Variants in GNA12 observed in about 807,000 individuals in gnomAD.
GNA12 encodes the protein G protein subunit alpha 12, also known as guanine nucleotide-binding protein subunit alpha-12.
A neutral mutation model predicts 26.0 loss-of-function variants in GNA12; 9 were observed. That is an observed-to-expected ratio of 0.35 (90% CI 0.21 to 0.60). GNA12 has a LOEUF of 0.60. GNA12 is among the 20% of genes least tolerant of loss of function. The pLI, the probability that GNA12 is intolerant of heterozygous loss-of-function variation, is 0.78. For missense variants in GNA12, 405 were observed against 525.8 expected, an observed-to-expected ratio of 0.77 and a Z score of 2.25; for synonymous variants, 264 against 219.6, an observed-to-expected ratio of 1.20 and a Z score of -1.79.
At chr7:2,826,376 CA>C (rs71026566) in intron 1 of GNA12, among the ~76,000 whole-genome samples, 16,289 of 107,654 alleles carry the variant, frequency 0.15, 758 homozygotes, top group Middle Eastern at 0.18. Flanking sequence ...GACTCCATCT[CA>C]AAAAAAAAAA....
At chr7:2,789,132 CTTTTTTTTTTT>C (rs71026556) in intron 2 of GNA12, among the ~76,000 whole-genome samples, 1 of 72,822 alleles carries the variant, frequency 1.4e-5, no homozygotes, top group African/African-American at 5.0e-5. Flanking sequence ...CTTCAGGCAT[CTTTTTTTTTTT>C]TTTTTTTTTT....
chr7:2,785,516 G>T (rs1792336065), intron 2 of GNA12, among the ~76,000 whole-genome samples: 1 of 152,072 alleles, frequency 6.6e-6, no homozygotes, highest in Non-Finnish European at 1.5e-5. Flanking sequence ...AACTAAGAAA[G>T]TAAATTCTGA....
chr7:2,765,922 G>A (rs1392340465), intron 2 of GNA12, among the ~76,000 whole-genome samples: 1 of 147,058 alleles, frequency 6.8e-6, no homozygotes, highest in East Asian at 2.0e-4. Context: ...GATTACAGGC[G>A]CGAGCCACTG....
chr7:2,737,124 G>C (rs1790222915), intron 2 of GNA12, among the ~76,000 whole-genome samples: 1 of 152,154 alleles, frequency 6.6e-6, no homozygotes, highest in Non-Finnish European at 1.5e-5. Flanking sequence ...CCGTGGATTG[G>C]TCTCAGATGT....
intron 2 of GNA12, among the ~76,000 whole-genome samples, chr7:2,738,408 G>C (rs888928347): frequency 6.6e-6 from 1 of 152,214 alleles, no homozygotes; most frequent in Non-Finnish European, 1.5e-5. Context: ...TCTCCACGCA[G>C]TCAGGGGCTA....
chr7:2,807,452 A>G (rs1431045310), intron 1 of GNA12, among the ~76,000 whole-genome samples: 5 of 152,176 alleles, frequency 3.3e-5, no homozygotes, highest in African/African-American at 1.2e-4. Flanking sequence ...ACAATTTAAA[A>G]CATTTAGCCT....
Position 2,811,564 on chromosome 7 carries a change from T to C in GNA12, c.310-16421A>G, listed in dbSNP as rs1793082292. Among the ~76,000 whole-genome samples, 4 of 152,234 alleles carry C rather than the reference T, an allele frequency of 2.6e-5. No individual in the cohort carries two copies. The South Asian group carries it at 8.3e-4, about 31-fold the overall frequency. The stretch of plus-strand genomic sequence containing the variant: ...ACTATATAGACTTCTTAAAAAATCA[T>C]TTGAGAAGGGACCTCAAAGTGAAAT... On this transcript the variant is annotated intron_variant, in intron 1 of 3. Coordinates refer to ENST00000275364, the MANE Select transcript of GNA12 (RefSeq NM_007353.3).
chr7:2,731,156 A>ACGACAAACC lies in GNA12; in HGVS notation c.*16_*24dup. The ACGACAAACC allele has an allele frequency of 6.5e-7, 1 of 1,550,088 alleles. No homozygotes were observed. Among genetic ancestry groups the ACGACAAACC allele is most frequent in the Non-Finnish European group, 8.8e-7 (1 of 1,133,448 alleles). ...CGACAGCCGTGGGGGCTGCTCAACGACGACAAACCCCGGGGCTTCCTCGCT... is the reference window on the plus strand; with the variant it reads ...CGACAGCCGTGGGGGCTGCTCAACGACGACAAACCCGACAAACCCCGGGGCTTCCTCGCT... On this transcript the variant is annotated 3_prime_UTR_variant, in exon 4 of 4. Transcript: ENST00000275364. The surrounding 1 kb of genome is among the most constrained non-coding windows in gnomAD (Gnocchi z 6.0).
chr7:2,744,610 A>G (rs1379028396), intron 2 of GNA12, among the ~76,000 whole-genome samples: 3 of 152,126 alleles, frequency 2.0e-5, no homozygotes, highest in African/African-American at 2.4e-5. Flanking sequence ...AAATCAGAGC[A>G]CCTCTCCTCC....
chr7:2,837,160 G>C (rs748615126), intron 1 of GNA12, among the ~76,000 whole-genome samples: 1 of 150,946 alleles, frequency 6.6e-6, no homozygotes. Flanking sequence ...GGTGGTGTCA[G>C]CAGGGCCCAG....
intron 1 of GNA12, among the ~76,000 whole-genome samples, chr7:2,837,710 G>T (rs1462280087): frequency 6.6e-6 from 1 of 152,148 alleles, no homozygotes; most frequent in African/African-American, 2.4e-5. Flanking sequence ...TTGGACAAAG[G>T]AAAGCTAAGA....
chr7:2,748,458 T>C (rs1326917991), intron 2 of GNA12, among the ~76,000 whole-genome samples: 10 of 152,250 alleles, frequency 6.6e-5, no homozygotes, highest in Admixed American at 4.6e-4. Flanking sequence ...GCTAGCCATA[T>C]GTAGAAAGCT....
At position 2,737,434 on chromosome 7, in the gene GNA12, G is replaced by A. The variant is rs150183093; in HGVS notation, c.526-3933C>T. ...CTACAGAGTAGTTGGGACTACAGGCGTGCACTACCACACCCGGCTAACTTT... is the reference window on the plus strand; with the variant it reads ...CTACAGAGTAGTTGGGACTACAGGCATGCACTACCACACCCGGCTAACTTT... On this transcript the variant is annotated intron_variant, in intron 2 of 3. Transcript: ENST00000275364. Among the ~76,000 whole-genome samples the A allele has an allele frequency of 4.8e-3, 726 of 151,912 alleles. 7 individuals carry two copies. Among genetic ancestry groups the A allele is most frequent in the African/African-American group, 0.016 (674 of 41,408 alleles).
intron 2 of GNA12, among the ~76,000 whole-genome samples, chr7:2,793,529 T>C (rs978920436): frequency 6.6e-6 from 1 of 152,088 alleles, no homozygotes; most frequent in Non-Finnish European, 1.5e-5. Context: ...GCAGACTATA[T>C]AGCACCTCTC....
chr7:2,783,649 CATTTATTTATTTATTTATTTATTTATTT>C (rs60404277), intron 2 of GNA12, among the ~76,000 whole-genome samples: 2 of 138,630 alleles, frequency 1.4e-5, no homozygotes, highest in Admixed American at 7.2e-5. Flanking sequence ...GGCTGTAACA[CATTTATTTATTTATTTATTTATTTATTT>C]ATTTATTTAT....
At chr7:2,775,005 C>T (rs182278362) in intron 2 of GNA12, among the ~76,000 whole-genome samples, 4 of 152,268 alleles carry the variant, frequency 2.6e-5, no homozygotes, top group East Asian at 1.9e-4. Context: ...TGGCACCAGA[C>T]GTGGCTTAAA....
intron 2 of GNA12, among the ~76,000 whole-genome samples, chr7:2,757,892 C>G (rs1024347322): frequency 6.6e-6 from 1 of 152,144 alleles, no homozygotes; most frequent in Non-Finnish European, 1.5e-5. Context: ...CCTTTAATAG[C>G]TTAGTGGTTC....
chr7:2,797,303 C>A (rs1400027029), intron 1 of GNA12, among the ~76,000 whole-genome samples: 1 of 152,124 alleles, frequency 6.6e-6, no homozygotes, highest in Non-Finnish European at 1.5e-5. Flanking sequence ...CCTCGTTACG[C>A]CCGGCTAATT....
intron 2 of GNA12, among the ~76,000 whole-genome samples, chr7:2,785,326 G>A (rs968516044): frequency 3.3e-5 from 5 of 152,168 alleles, no homozygotes; most frequent in Admixed American, 6.5e-5. Context: ...GCTTTGTCAC[G>A]TCAGGCAAAT....
Sources: gnomAD v4.1 joint callset for allele counts (sites outside exome capture counted in the v4.1 genomes callset) on GRCh38, gnomAD v4.1.1 for gene constraint, Gnocchi (gnomAD v3.1) non-coding constraint, MANE v1.5 for transcripts, NCBI Gene and HGNC (gene_info 2026-07-23, HGNC 2026-07-21) for gene names.